The following FBXL7 variants were observed in gnomAD, a reference collection of about 807,000 sequenced individuals.
The protein encoded by FBXL7 is F-box and leucine rich repeat protein 7.
Under a neutral mutation model 38.3 loss-of-function variants are expected in FBXL7, and 12 were observed. That is an observed-to-expected ratio of 0.31 (90% CI 0.20 to 0.51). The LOEUF is 0.51. Ranked by LOEUF, FBXL7 falls within the 20% of genes least tolerant of loss-of-function variation. The pLI is 0.98. For synonymous variants in FBXL7, 297 were observed against 300.9 expected (o/e 0.99, Z 0.13); for missense variants, 567 against 676.4 (o/e 0.84, Z 1.79).
chr5:15,605,791 C>T (rs1459389784), intron 1 of FBXL7, among the ~76,000 whole-genome samples: 1 of 152,110 alleles, frequency 6.6e-6, no homozygotes, highest in East Asian at 1.9e-4. Flanking sequence ...CACCCTAAAC[C>T]AGATCTTGCT....
chr5:15,612,483 A>C (rs1482941431), intron 1 of FBXL7, among the ~76,000 whole-genome samples: 1 of 152,146 alleles, frequency 6.6e-6, no homozygotes, highest in Non-Finnish European at 1.5e-5. Context: ...ATCAGCACAC[A>C]TGTCCTCACG....
chr5:15,729,754 A>G (rs968322011), intron 2 of FBXL7, among the ~76,000 whole-genome samples: 4 of 152,184 alleles, frequency 2.6e-5, no homozygotes, highest in Admixed American at 1.3e-4. Context: ...AATTTTCATC[A>G]TAACTACTTT....
chr5:15,779,533 A>G (rs1056724729), intron 2 of FBXL7, among the ~76,000 whole-genome samples: 2 of 152,114 alleles, frequency 1.3e-5, no homozygotes, highest in African/African-American at 2.4e-5. Context: ...ACTTAGCAGC[A>G]GTTATTATCT....
At chr5:15,671,964 C>G (rs906823322) in intron 2 of FBXL7, among the ~76,000 whole-genome samples, 1 of 152,168 alleles carries the variant, frequency 6.6e-6, no homozygotes, top group Admixed American at 6.5e-5. Context: ...AAATGTTAAA[C>G]ATAAATGTTT....
At chr5:15,581,756 G>A (rs1221621788) in intron 1 of FBXL7, among the ~76,000 whole-genome samples, 5 of 151,886 alleles carry the variant, frequency 3.3e-5, no homozygotes, top group African/African-American at 7.3e-5. Context: ...TTATGTGCTT[G>A]CGCAAGCATT....
chr5:15,615,535 T>C (rs1405936228), intron 1 of FBXL7, among the ~76,000 whole-genome samples: 3 of 152,220 alleles, frequency 2.0e-5, no homozygotes, highest in African/African-American at 7.2e-5. Flanking sequence ...AATTCATTTT[T>C]TGATGTGACG....
At chr5:15,714,569 G>A (rs1243830807) in intron 2 of FBXL7, among the ~76,000 whole-genome samples, 7 of 152,186 alleles carry the variant, frequency 4.6e-5, no homozygotes, top group African/African-American at 1.7e-4. Flanking sequence ...TAAGAGAGAG[G>A]CAGGGCTAGG....
chr5:15,629,663 C>A lies in FBXL7; in HGVS notation c.127+13591C>A, dbSNP rs140999905. Among the ~76,000 whole-genome samples the A allele has an allele frequency of 7.4e-4, 113 of 152,234 alleles. 2 individuals are homozygous for A. The highest frequency in any genetic ancestry group is 2.6e-3 in the African/African-American group (106 of 41,546). ...GCTTCCTGCGATGCCTCAATGGTAT[C>A]ATTCCTCCACTTGGTTGAAGTCTTT... On this transcript the variant is annotated intron_variant, in intron 2 of 3. Transcript: ENST00000504595.
chr5:15,682,311 A>G (rs946841691), intron 2 of FBXL7, among the ~76,000 whole-genome samples: 7 of 152,200 alleles, frequency 4.6e-5, no homozygotes, highest in Admixed American at 2.6e-4. Flanking sequence ...TCCATTGGCC[A>G]GATCTCAATC....
chr5:15,529,476 C>G (rs893305560), intron 1 of FBXL7, among the ~76,000 whole-genome samples: 3 of 152,076 alleles, frequency 2.0e-5, no homozygotes, highest in Admixed American at 6.5e-5. Flanking sequence ...AGCTCTGCCC[C>G]CTGGGTTCAC....
chr5:15,609,602 A>G (rs1482078674), intron 1 of FBXL7, among the ~76,000 whole-genome samples: 1 of 152,206 alleles, frequency 6.6e-6, no homozygotes, highest in Non-Finnish European at 1.5e-5. Context: ...TGCGGCTAAT[A>G]GAAGCATCTC....
At position 15,620,405 on chromosome 5, in the gene FBXL7, TGTTTTTTG is replaced by T. The variant is rs1471382093; in HGVS notation, c.127+4334_127+4341del. On this transcript the variant is annotated intron_variant, in intron 2 of 3. Transcript: ENST00000504595. ...ATGCCACCACGCCCAGCTAATTTTT[TGTTTTTTG>T]TTTTTTTTTTTTTTTAAGTAGAAAC... Among the ~76,000 whole-genome samples, 36 of 133,206 alleles carry T rather than the reference TGTTTTTTG, an allele frequency of 2.7e-4. No individual in the cohort carries two copies. The East Asian group carries it at 0.012, about 46-fold the overall frequency. The allele number at this position is 133,206 out of a possible 152,430, so 87.4% of individuals were successfully genotyped here. A position where few individuals can be genotyped will look rare whatever the true frequency, so the allele number is the denominator to read the frequency against.
At chr5:15,700,924 T>C (rs1426881392) in intron 2 of FBXL7, among the ~76,000 whole-genome samples, 2 of 152,192 alleles carry the variant, frequency 1.3e-5, no homozygotes, top group Non-Finnish European at 2.9e-5. Flanking sequence ...TTTGATATTC[T>C]TAAGTCGGGT....
intron 2 of FBXL7, among the ~76,000 whole-genome samples, chr5:15,738,684 G>A (rs927097925): frequency 6.6e-6 from 1 of 152,196 alleles, no homozygotes; most frequent in African/African-American, 2.4e-5. Flanking sequence ...TACCATCTTA[G>A]GGAGGAAGCT....
intron 2 of FBXL7, among the ~76,000 whole-genome samples, chr5:15,683,380 TGTCAGGGA>T (rs1422182357): frequency 6.6e-6 from 1 of 152,198 alleles, no homozygotes; most frequent in African/African-American, 2.4e-5. Context: ...CCAGGACCCG[TGTCAGGGA>T]GTCACCTAAC....
At chr5:15,622,613 A>G (rs1167956909) in intron 2 of FBXL7, among the ~76,000 whole-genome samples, 1 of 152,146 alleles carries the variant, frequency 6.6e-6, no homozygotes, top group Non-Finnish European at 1.5e-5. Flanking sequence ...AAGGACATGA[A>G]CTCATCATTT....
intron 2 of FBXL7, among the ~76,000 whole-genome samples, chr5:15,877,950 G>C (rs1740280356): frequency 6.6e-6 from 1 of 152,094 alleles, no homozygotes; most frequent in Non-Finnish European, 1.5e-5. Flanking sequence ...TTTCTCGCAT[G>C]ACCTTCTAGC....
chr5:15,849,690 T>C (rs1000713541), intron 2 of FBXL7, among the ~76,000 whole-genome samples: 4 of 152,230 alleles, frequency 2.6e-5, no homozygotes, highest in Admixed American at 1.3e-4. Flanking sequence ...TGTGTCTTTA[T>C]TAGCAGAGTG....
At chr5:15,583,878 C>A (rs886725786) in intron 1 of FBXL7, among the ~76,000 whole-genome samples, 4 of 152,226 alleles carry the variant, frequency 2.6e-5, no homozygotes, top group African/African-American at 9.6e-5. Flanking sequence ...AGCAGAGGTT[C>A]TCCATAAGGG....
Sources: gnomAD v4.1 joint callset for allele counts (sites outside exome capture counted in the v4.1 genomes callset) on GRCh38, gnomAD v4.1.1 for gene constraint, MANE v1.5 for transcripts, NCBI Gene and HGNC (gene_info 2026-07-23, HGNC 2026-07-21) for gene names.